TUBB8: variants seen among roughly 807,000 people sequenced by gnomAD.
TUBB8 encodes tubulin beta 8 class VIII.
A neutral mutation model predicts 33.7 loss-of-function variants in TUBB8; 25 were observed. The ratio of observed to expected loss-of-function variants is 0.74; its 90% CI spans 0.54 to 1.04. TUBB8 has a LOEUF of 1.04. Ranked by LOEUF, TUBB8 falls within the 50% of genes least tolerant of loss-of-function variation. The pLI is 0.00. For missense variants in TUBB8, 279 were observed against 608.0 expected, an observed-to-expected ratio of 0.46 and a Z score of 5.69; for synonymous variants, 245 against 240.1, an observed-to-expected ratio of 1.02 and a Z score of -0.19.
intron 1 of TUBB8, among the ~76,000 whole-genome samples, chr10:65,969 T>C (rs1165866104): frequency 6.6e-6 from 1 of 152,232 alleles, no homozygotes; most frequent in Non-Finnish European, 1.5e-5. Flanking sequence ...CATTTCATCA[T>C]AAAAACACCC....
chr10:52,531 G>A (rs1239812026), upstream of TUBB8, among the ~76,000 whole-genome samples: 3 of 152,228 alleles, frequency 2.0e-5, no homozygotes, highest in Non-Finnish European at 4.4e-5. Context: ...TTTTGTTAGT[G>A]TCTCTAACTA....
At chr10:56,433 A>G (rs1554740168) in intron 1 of TUBB8, among the ~76,000 whole-genome samples, 4 of 152,254 alleles carry the variant, frequency 2.6e-5, no homozygotes, top group African/African-American at 9.6e-5. Context: ...TAATTTATAA[A>G]GGAAATAGGT....
At chr10:65,679 C>T (rs1441583889) in intron 1 of TUBB8, among the ~76,000 whole-genome samples, 5 of 152,118 alleles carry the variant, frequency 3.3e-5, no homozygotes, top group Non-Finnish European at 4.4e-5. Context: ...GAGCCGAGAT[C>T]GTGCCACTGC....
At chr10:74,488 G>A (rs1330004114), upstream of TUBB8, among the ~76,000 whole-genome samples, 1 of 151,448 alleles carries the variant, frequency 6.6e-6, no homozygotes, top group African/African-American at 2.4e-5. Flanking sequence ...TTATCTGGGC[G>A]TGTTGGCACA....
chr10:63,434 G>A (rs1834628291), intron 1 of TUBB8, among the ~76,000 whole-genome samples: 1 of 152,234 alleles, frequency 6.6e-6, no homozygotes, highest in African/African-American at 2.4e-5. Flanking sequence ...ATAACTCTTA[G>A]ATTCCTATTT....
intron 1 of TUBB8, among the ~76,000 whole-genome samples, chr10:64,223 C>A (rs1424318701): frequency 6.6e-6 from 1 of 152,002 alleles, no homozygotes; most frequent in Non-Finnish European, 1.5e-5. Context: ...TTGGTCTCAC[C>A]CAAGGCCCAC....
intron 1 of TUBB8, among the ~76,000 whole-genome samples, chr10:64,173 C>A (rs1213109294): frequency 6.6e-6 from 1 of 152,156 alleles, no homozygotes; most frequent in Non-Finnish European, 1.5e-5. Context: ...GCCACCACCA[C>A]TGAGACTGTG....
chr10:51,874 G>C (rs555345867), upstream of TUBB8, among the ~76,000 whole-genome samples: 3 of 152,276 alleles, frequency 2.0e-5, no homozygotes, highest in South Asian at 6.2e-4. Context: ...AGACATCAAG[G>C]CTAAAAGTCA....
At chr10:54,396 A>G (rs1834504660) in intron 1 of TUBB8, among the ~76,000 whole-genome samples, 1 of 151,336 alleles carries the variant, frequency 6.6e-6, no homozygotes, top group African/African-American at 2.4e-5. Context: ...GCTGAATAGT[A>G]CTCCATTGTG....
intron 3 of TUBB8, 77 bp from the exon 4 acceptor site, chr10:48,191 C>T (rs1450468763): frequency 1.1e-5 from 11 of 1,010,388 alleles, no homozygotes; most frequent in Admixed American, 2.0e-5. Flanking sequence ...GCAGAAAGAG[C>T]CAAGCGTCAC....
rs1834428735 is a variant in TUBB8 at position 49,210 on chromosome 10, C to G, written c.29G>C (p.Gly10Ala). 6.3e-7 allele frequency: 1 copy of G among 1,582,488 alleles called. No individual in the cohort carries two copies. The highest frequency in any genetic ancestry group is 8.6e-7 in the Non-Finnish European group (1 of 1,165,142). Residue 10 changes from glycine to alanine, a missense_variant, in exon 1 of 4, where the codon GGG becomes GCG. Gly to Ala is a moderately conservative substitution (Grantham distance 60, BLOSUM62 0). Coordinates refer to ENST00000568584, the MANE Select transcript of TUBB8 (RefSeq NM_177987.3). ...GGCGCCGATCTGATTCCCGCACTGC[C>G]CGATCTGCGTGAGCACGATCTCCCT... MREIVLTQI[G>A]QCGNQIGAKF...
chr10:62,779 C>CTT (rs368978869), intron 1 of TUBB8, among the ~76,000 whole-genome samples: 2 of 151,866 alleles, frequency 1.3e-5, no homozygotes, highest in Non-Finnish European at 2.9e-5. Context: ...AAGTAAAAGT[C>CTT]TTTTTTTTCT....
chr10:71,958 G>C (rs1834742050), intron 1 of TUBB8, among the ~76,000 whole-genome samples: 2 of 152,058 alleles, frequency 1.3e-5, no homozygotes, highest in Admixed American at 1.3e-4. Flanking sequence ...GGGTACAGTG[G>C]CTCACACCTA....
At chr10:52,749 T>G (rs1347851788), upstream of TUBB8, among the ~76,000 whole-genome samples, 1 of 152,252 alleles carries the variant, frequency 6.6e-6, no homozygotes, top group South Asian at 2.1e-4. Flanking sequence ...ATTCTGCAAT[T>G]GTAATCTGTG....
upstream of TUBB8, among the ~76,000 whole-genome samples, chr10:53,934 T>C (rs1484801797): frequency 1.3e-5 from 2 of 152,388 alleles, no homozygotes; most frequent in Admixed American, 6.5e-5. Context: ...AGTTGGTGTA[T>C]ATATTTATGG....
upstream of TUBB8, chr10:49,355 G>A: frequency 1.9e-6 from 2 of 1,037,976 alleles, no homozygotes; most frequent in South Asian, 2.7e-5. Context: ...CCTCCGCCTC[G>A]GATTCGGCTC....
chr10:53,261 G>T (rs1834490874), upstream of TUBB8, among the ~76,000 whole-genome samples: 1 of 152,156 alleles, frequency 6.6e-6, no homozygotes, highest in African/African-American at 2.4e-5. Context: ...CCAAGTAGCT[G>T]GGATTACAGG....
intron 1 of TUBB8, among the ~76,000 whole-genome samples, chr10:73,775 G>A (rs1328505959): frequency 2.6e-5 from 4 of 151,684 alleles, no homozygotes; most frequent in Non-Finnish European, 5.9e-5. Context: ...TCCTCTCCCG[G>A]TACCAGGGTC....
At chr10:64,144 T>G (rs1834636803) in intron 1 of TUBB8, among the ~76,000 whole-genome samples, 1 of 151,974 alleles carries the variant, frequency 6.6e-6, no homozygotes, top group Non-Finnish European at 1.5e-5. Flanking sequence ...GGAGTTGGGG[T>G]AACATAAGCA....
Sources: gnomAD v4.1 joint callset for allele counts (sites outside exome capture counted in the v4.1 genomes callset) on GRCh38, gnomAD v4.1.1 for gene constraint, MANE v1.5 for transcripts, NCBI Gene and HGNC (gene_info 2026-07-23, HGNC 2026-07-21) for gene names.